The following MC2R variants were observed in gnomAD, a reference collection of about 807,000 sequenced individuals.
MC2R encodes adrenocorticotropic hormone receptor.
In MC2R, 9 loss-of-function variants were observed where a neutral mutation model predicts 9.8. That is an observed-to-expected ratio of 0.92 (90% CI 0.55 to 1.60). The LOEUF is 1.60. Ranked by LOEUF, MC2R falls within the 40% of genes most tolerant of loss-of-function variation. MC2R has a pLI of 0.00. For synonymous variants in MC2R, 185 were observed against 154.7 expected, an observed-to-expected ratio of 1.20 and a Z score of -1.45; for missense variants, 370 against 389.0, an observed-to-expected ratio of 0.95 and a Z score of 0.41.
At chr18:13,903,092 T>A (rs1459657994) in intron 1 of MC2R, among the ~76,000 whole-genome samples, 1 of 152,178 alleles carries the variant, frequency 6.6e-6, no homozygotes, top group Non-Finnish European at 1.5e-5. Context: ...TATGAAAAGG[T>A]GCTCAACATC....
chr18:13,908,068 A>AT (rs2045423535), intron 1 of MC2R, among the ~76,000 whole-genome samples: 1 of 152,228 alleles, frequency 6.6e-6, no homozygotes, highest in Non-Finnish European at 1.5e-5. Context: ...CATCAAAGAG[A>AT]TATCTGTACT....
chr18:13,910,823 A>G (rs768974296), intron 1 of MC2R, among the ~76,000 whole-genome samples: 29 of 152,154 alleles, frequency 1.9e-4, no homozygotes, highest in Non-Finnish European at 3.1e-4. Flanking sequence ...TCATCACAAC[A>G]GTGTTTGCCC....
rs1567895086 is a variant in MC2R, at chr18:13,884,180, A to C, written c.*445T>G. 3 of 239,728 alleles carry C rather than the reference A, an allele frequency of 1.3e-5. No homozygotes were observed. Among genetic ancestry groups the C allele is most frequent in the Non-Finnish European group, 1.6e-5 (2 of 121,252 alleles). 14.9% of individuals were successfully genotyped at this position (239,728 alleles called of 1,614,324 possible). The stretch of plus-strand genomic sequence containing the variant: ...CATGTCCAGGTACTTAACTTCTGGA[A>C]ATTGGCTGCAATGGCCTCCACCTGG... On this transcript the variant is annotated 3_prime_UTR_variant, in exon 2 of 2. Coordinates refer to ENST00000327606, the MANE Select transcript of MC2R (RefSeq NM_000529.2).
rs1567899326 is a variant in MC2R, at chr18:13,896,629, G to T, written c.-128-10983C>A. 3.9e-5 allele frequency among the ~76,000 whole-genome samples: 6 copies of T among 151,970 alleles called. No individual in the cohort carries two copies. In the East Asian group the frequency reaches 1.2e-3, roughly 29 times the overall value. ...AGGTAGCAATTTTTATTAAATATAG[G>T]TATCTAATATTACTTTAGACCTTGT... On this transcript the variant is annotated intron_variant, in intron 1 of 1. Coordinates refer to ENST00000327606, the MANE Select transcript of MC2R (RefSeq NM_000529.2).
chr18:13,888,917 T>A (rs564688551), intron 1 of MC2R, among the ~76,000 whole-genome samples: 1 of 152,340 alleles, frequency 6.6e-6, no homozygotes, highest in South Asian at 2.1e-4. Flanking sequence ...CTGGCTCTCA[T>A]CCATTCAAAG....
At chr18:13,910,116 T>C (rs2045436400) in intron 1 of MC2R, among the ~76,000 whole-genome samples, 1 of 152,220 alleles carries the variant, frequency 6.6e-6, no homozygotes, top group East Asian at 1.9e-4. Context: ...GATCTATGTT[T>C]AAAATAATTT....
At chr18:13,896,682 T>A (rs2045347801) in intron 1 of MC2R, among the ~76,000 whole-genome samples, 1 of 152,196 alleles carries the variant, frequency 6.6e-6, no homozygotes, top group African/African-American at 2.4e-5. Context: ...TCACTAAATA[T>A]CTGGAGCAAG....
At chr18:13,893,034 C>G (rs961644469) in intron 1 of MC2R, among the ~76,000 whole-genome samples, 1 of 152,186 alleles carries the variant, frequency 6.6e-6, no homozygotes, top group African/African-American at 2.4e-5. Context: ...TGTTTTGGTG[C>G]CTTTTCATAA....
chr18:13,901,135 G>A (rs185846521), intron 1 of MC2R, among the ~76,000 whole-genome samples: 87 of 152,220 alleles, frequency 5.7e-4, no homozygotes, highest in African/African-American at 1.9e-3. Flanking sequence ...TAAACAATAT[G>A]CTCCTGAATG....
chr18:13,890,573 A>C (rs1042125288), intron 1 of MC2R, among the ~76,000 whole-genome samples: 2 of 152,012 alleles, frequency 1.3e-5, no homozygotes, highest in African/African-American at 4.8e-5. Flanking sequence ...ACCAGCTCTG[A>C]GTGAATCAGG....
In MC2R at chr18:13,885,002, G is replaced by C; in HGVS notation, c.517C>G (p.Pro173Ala). ...ITMVIFSHHV[P>A]TVITFTSLFP... ...AGCGACGTGAAGGTGATCACTGTGG[G>C]CACATGATGGGAGAAGATCACCATG... The change falls in exon 2 of 2, where the codon CCC becomes GCC. Residue 173 changes from proline to alanine, a missense_variant. Transcript: ENST00000327606. 6.2e-7 allele frequency: 1 copy of C among 1,614,168 alleles called. No homozygotes were observed. Among genetic ancestry groups the C allele is most frequent in the Non-Finnish European group, 8.5e-7 (1 of 1,180,040 alleles).
chr18:13,889,801 G>T (rs142150235), intron 1 of MC2R, among the ~76,000 whole-genome samples: 4 of 152,250 alleles, frequency 2.6e-5, no homozygotes, highest in African/African-American at 7.2e-5. Flanking sequence ...CCTGTGCTGT[G>T]CATGGTGGGT....
intron 1 of MC2R, among the ~76,000 whole-genome samples, chr18:13,902,265 T>C (rs2045384762): frequency 6.6e-6 from 1 of 151,998 alleles, no homozygotes; most frequent in Non-Finnish European, 1.5e-5. Context: ...TAATAAAAGC[T>C]ATACACAACA....
intron 1 of MC2R, among the ~76,000 whole-genome samples, chr18:13,890,588 C>G (rs1021309477): frequency 6.6e-6 from 1 of 152,248 alleles, no homozygotes; most frequent in Non-Finnish European, 1.5e-5. Flanking sequence ...ATCAGGAGCT[C>G]CTCTCCGCGT....
chr18:13,904,564 GA>G (rs201051873), intron 1 of MC2R, among the ~76,000 whole-genome samples: 2 of 149,322 alleles, frequency 1.3e-5, no homozygotes, highest in Non-Finnish European at 3.0e-5. Context: ...TTAGACAGGA[GA>G]AAAAAAAGGA....
In MC2R at chr18:13,885,311, C is replaced by G. The variant is rs761331723; in HGVS notation, c.208G>C (p.Asp70His). Residue 70 changes from aspartate (D) to histidine (H), a missense_variant, in exon 2 of 2, where the codon GAT becomes CAT. By Grantham distance (81) the Asp-to-His change is moderately conservative. Coordinates refer to ENST00000327606, the MANE Select transcript of MC2R (RefSeq NM_000529.2). Reference sequence around the variant, plus strand: ...ATCTTATATAGGCTGCCCAGCATATCAGATATGGCCAAGCTACAGATGAAA... The same window carrying G: ...ATCTTATATAGGCTGCCCAGCATATGAGATATGGCCAAGCTACAGATGAAA... ...YFFICSLAIS[D>H]MLGSLYKILE... 11 of 1,614,020 alleles carry G rather than the reference C, an allele frequency of 6.8e-6. No homozygotes were observed. Among genetic ancestry groups the G allele is most frequent in the Non-Finnish European group, 8.5e-7 (1 of 1,180,040 alleles).
intron 1 of MC2R, among the ~76,000 whole-genome samples, chr18:13,897,928 G>A (rs2045356369): frequency 6.6e-6 from 1 of 151,972 alleles, no homozygotes; most frequent in Non-Finnish European, 1.5e-5. Flanking sequence ...GGCTTCAGGT[G>A]AGACCCAGCA....
Position 13,882,935 on chromosome 18 carries a change from A to G in MC2R, c.*1690T>C, listed in dbSNP as rs1239913620. ...AAACAGGGAAGGATTTCTACAGAAC[A>G]GAGGACAAGAAGGTGCACCTTTCAC... On this transcript the variant is annotated 3_prime_UTR_variant, in exon 2 of 2. Coordinates refer to ENST00000327606, the MANE Select transcript of MC2R (RefSeq NM_000529.2). The G allele has an allele frequency of 6.6e-6, 1 of 152,242 alleles. No individual in the cohort carries two copies. Among genetic ancestry groups the G allele is most frequent in the Non-Finnish European group, 1.5e-5 (1 of 68,050 alleles). 9.4% of individuals were successfully genotyped at this position (152,242 alleles called of 1,614,324 possible).
At chr18:13,895,525 T>A (rs1322837221) in intron 1 of MC2R, among the ~76,000 whole-genome samples, 1 of 151,834 alleles carries the variant, frequency 6.6e-6, no homozygotes, top group African/African-American at 2.4e-5. Flanking sequence ...TCAGGAGAGG[T>A]TTTTATTCAG....
Sources: allele counts gnomAD v4.1 joint callset (sites outside exome capture counted in the v4.1 genomes callset), GRCh38; gene constraint gnomAD v4.1.1; transcripts MANE v1.5; gene names NCBI Gene and HGNC (gene_info 2026-07-23, HGNC 2026-07-21).